Variants in KDM5A observed in about 807,000 individuals in gnomAD.
KDM5A encodes the protein lysine-specific demethylase 5A.
KDM5A carries 42 observed loss-of-function variants against 193.5 expected under a neutral mutation model. That is an observed-to-expected ratio of 0.22 (90% CI 0.17 to 0.28). KDM5A has a LOEUF of 0.28. KDM5A is among the 10% of genes least tolerant of loss of function. The pLI is 1.00. For missense variants in KDM5A, 1,692 were observed against 2,055.1 expected (o/e 0.82, Z 3.42); for synonymous variants, 796 against 718.1 (o/e 1.11, Z -1.73).
intron 1 of KDM5A, among the ~76,000 whole-genome samples, chr12:386,992 AT>A (rs898572214): frequency 1.3e-5 from 2 of 151,992 alleles, no homozygotes; most frequent in East Asian, 1.9e-4. Context: ...TATTTAAACG[AT>A]TTTTTTTATG....
intron 3 of KDM5A, among the ~76,000 whole-genome samples, chr12:381,145 C>A (rs1020546940): frequency 6.6e-6 from 1 of 152,190 alleles, no homozygotes; most frequent in African/African-American, 2.4e-5. Context: ...CAGGCATGTG[C>A]CACCACGTCC....
chr12:356,026 A>ATT (rs1200703982), intron 6 of KDM5A, among the ~76,000 whole-genome samples: 1 of 152,230 alleles, frequency 6.6e-6, no homozygotes, highest in African/African-American at 2.4e-5. Flanking sequence ...ATCAAGGGCA[A>ATT]TTACTTTAAA....
intron 10 of KDM5A, among the ~76,000 whole-genome samples, chr12:343,236 T>C (rs1421748745): frequency 1.3e-5 from 2 of 152,168 alleles, no homozygotes; most frequent in Non-Finnish European, 2.9e-5. Context: ...GCGTCCACCA[T>C]TGCTGAGGCT....
In KDM5A at chr12:280,695, A is replaced by T. The variant is rs1943146237; in HGVS notation, c.*4761T>A. The stretch of plus-strand genomic sequence containing the variant: ...AAGAAGCCAAAGAGAAAGGGAAAGC[A>T]TTTCCTTGTTTTCCCTATTAATGGT... On this transcript the variant is annotated 3_prime_UTR_variant, in exon 28 of 28. Coordinates refer to ENST00000399788, the MANE Select transcript of KDM5A (RefSeq NM_001042603.3). 4.3e-6 allele frequency: 1 copy of T among 233,014 alleles called. No homozygotes were observed. Among genetic ancestry groups the T allele is most frequent in the Admixed American group, 5.6e-5 (1 of 17,774 alleles). The allele number at this position is 233,014 out of a possible 1,614,324, so 14.4% of individuals were successfully genotyped here.
At chr12:374,387 G>T (rs1221811911) in intron 3 of KDM5A, among the ~76,000 whole-genome samples, 1 of 152,164 alleles carries the variant, frequency 6.6e-6, no homozygotes, top group Non-Finnish European at 1.5e-5. Flanking sequence ...TCAGAGACTA[G>T]GATTGCAACC....
intron 17 of KDM5A, 100 bp downstream of exon 17, chr12:322,317 G>C: frequency 9.4e-7 from 1 of 1,061,148 alleles, no homozygotes; most frequent in Non-Finnish European, 1.4e-6. Context: ...GCAACAAGAG[G>C]TCAAAGATAA....
chr12:305,404 G>A (rs575890595), intron 24 of KDM5A, among the ~76,000 whole-genome samples: 8 of 152,190 alleles, frequency 5.3e-5, no homozygotes, highest in African/African-American at 1.4e-4. Flanking sequence ...AGGAATCTAC[G>A]AGCGTCTATG....
intron 10 of KDM5A, among the ~76,000 whole-genome samples, chr12:335,557 G>A (rs1943918606): frequency 6.6e-6 from 1 of 151,974 alleles, no homozygotes; most frequent in African/African-American, 2.4e-5. Flanking sequence ...CAGGGGTGGG[G>A]GTAGGGTCAT....
Position 282,902 on chromosome 12 carries a change from T to A in KDM5A, c.*2554A>T, listed in dbSNP as rs1179988474. ...AATTCCAAAACCGCAGATTTGTGTATTTTTTGTTTTGCCATTAATTTCTCC... is the reference window on the plus strand; with the variant it reads ...AATTCCAAAACCGCAGATTTGTGTAATTTTTGTTTTGCCATTAATTTCTCC... On this transcript the variant is annotated 3_prime_UTR_variant, in exon 28 of 28. Transcript: ENST00000399788. 1 of 232,198 alleles carries A rather than the reference T, an allele frequency of 4.3e-6. No homozygotes were observed. The highest frequency in any genetic ancestry group is 8.5e-6 in the Non-Finnish European group (1 of 117,494). 14.4% of individuals were successfully genotyped at this position (232,198 alleles called of 1,614,324 possible).
chr12:370,624 T>TA (rs199961624), intron 3 of KDM5A, among the ~76,000 whole-genome samples: 1 of 152,080 alleles, frequency 6.6e-6, no homozygotes, highest in Admixed American at 6.6e-5. Flanking sequence ...TTTTTTTTTT[T>TA]AATTATACTT....
intron 26 of KDM5A, 47 bp downstream of exon 26, chr12:295,526 G>A: frequency 1.3e-6 from 2 of 1,540,134 alleles, no homozygotes; most frequent in Non-Finnish European, 1.8e-6. Flanking sequence ...AAGGAACCTA[G>A]GCATTCTAGT....
At position 281,104 on chromosome 12, in the gene KDM5A, C is replaced by T. The variant is rs1943150371; in HGVS notation, c.*4352G>A. The T allele has an allele frequency of 8.6e-6, 2 of 232,840 alleles. No homozygotes were observed. Among genetic ancestry groups the T allele is most frequent in the Non-Finnish European group, 1.7e-5 (2 of 117,882 alleles). 14.4% of individuals were successfully genotyped at this position (232,840 alleles called of 1,614,324 possible). On this transcript the variant is annotated 3_prime_UTR_variant, in exon 28 of 28. Transcript: ENST00000399788. ...TGGGTGTGGGGAACCTGAGCATACA[C>T]ACAATTTTTTAAATCTTTTAGATGT... is the stretch of plus-strand genomic sequence containing the variant.
chr12:329,723 G>C (rs1016939939), intron 13 of KDM5A, among the ~76,000 whole-genome samples: 1 of 152,072 alleles, frequency 6.6e-6, no homozygotes, highest in African/African-American at 2.4e-5. Context: ...TAAATGAACA[G>C]TTACAGTCTT....
At chr12:365,129 T>C (rs978763674) in intron 4 of KDM5A, among the ~76,000 whole-genome samples, 6 of 152,146 alleles carry the variant, frequency 3.9e-5, no homozygotes, top group Non-Finnish European at 5.9e-5. Context: ...CTCAGCTTAC[T>C]GCAACCTCCA....
chr12:378,873 G>A lies in KDM5A; in HGVS notation c.366+5158C>T, dbSNP rs968504730. 5.3e-5 allele frequency among the ~76,000 whole-genome samples: 8 copies of A among 150,870 alleles called. No individual in the cohort carries two copies. The South Asian group carries it at 6.3e-4, about 12-fold the overall frequency. On this transcript the variant is annotated intron_variant, in intron 3 of 27. Transcript: ENST00000399788. The stretch of plus-strand genomic sequence containing the variant: ...ACGCGGGAGGCTGAGGCGGGAGAAT[G>A]TCATGAACCCAGGAGGCGGAGCTTA...
chr12:359,973 G>A (rs1204837588), intron 5 of KDM5A, among the ~76,000 whole-genome samples: 1 of 151,960 alleles, frequency 6.6e-6, no homozygotes, highest in Non-Finnish European at 1.5e-5. Flanking sequence ...CACCCCTGAT[G>A]AAAAGAAAAG....
intron 17 of KDM5A, among the ~76,000 whole-genome samples, chr12:321,907 C>G (rs931195865): frequency 1.3e-5 from 2 of 151,990 alleles, no homozygotes; most frequent in Non-Finnish European, 2.9e-5. Context: ...CCCTGATATT[C>G]TAGTCTTGTG....
chr12:386,275 A>G (rs1229357782), intron 1 of KDM5A, among the ~76,000 whole-genome samples: 1 of 152,252 alleles, frequency 6.6e-6, no homozygotes, highest in Non-Finnish European at 1.5e-5. Flanking sequence ...GCCTAAATAC[A>G]AAATTCTTTT....
chr12:293,816 A>G (rs1943335902), intron 26 of KDM5A, among the ~76,000 whole-genome samples: 1 of 150,244 alleles, frequency 6.7e-6, no homozygotes, highest in African/African-American at 2.4e-5. Flanking sequence ...ATGTTATTCT[A>G]AAGATATTCA....
Sources: gnomAD v4.1 joint callset for allele counts (sites outside exome capture counted in the v4.1 genomes callset) on GRCh38, gnomAD v4.1.1 for gene constraint, MANE v1.5 for transcripts, NCBI Gene and HGNC (gene_info 2026-07-23, HGNC 2026-07-21) for gene names.